CFAP58: variants seen among roughly 807,000 people sequenced by gnomAD.
CFAP58 encodes the protein cilia- and flagella-associated protein 58.
CFAP58 carries 88 observed loss-of-function variants against 119.5 expected under a neutral mutation model. That is an observed-to-expected ratio of 0.74 (90% CI 0.62 to 0.88). CFAP58 has a LOEUF of 0.88. Ranked by LOEUF, CFAP58 falls within the 40% of genes least tolerant of loss-of-function variation. The probability of loss-of-function intolerance (pLI) is 0.00; values close to 1 mark genes in which losing one functional copy is unlikely to be tolerated. For synonymous variants in CFAP58, 365 were observed against 366.3 expected, an observed-to-expected ratio of 1.00 and a Z score of 0.04; for missense variants, 990 against 1,021.2, an observed-to-expected ratio of 0.97 and a Z score of 0.42.
At chr10:104,363,332 A>G (rs1228982769) in intron 3 of CFAP58, among the ~76,000 whole-genome samples, 1 of 152,198 alleles carries the variant, frequency 6.6e-6, no homozygotes, top group Non-Finnish European at 1.5e-5. Flanking sequence ...AGGAATGAAC[A>G]TACACTTCCT....
intron 7 of CFAP58, among the ~76,000 whole-genome samples, chr10:104,374,518 C>G (rs1374427805): frequency 7.9e-6 from 1 of 126,346 alleles, no homozygotes; most frequent in African/African-American, 3.0e-5. Flanking sequence ...GAGAAATTGG[C>G]AAAGGGCAAA....
Position 104,454,898 on chromosome 10 carries a change from A to C in CFAP58, c.*368A>C, listed in dbSNP as rs534896259. 1 of 161,476 alleles carries C rather than the reference A, an allele frequency of 6.2e-6. No individual in the cohort carries two copies. Among genetic ancestry groups the C allele is most frequent in the African/African-American group, 2.4e-5 (1 of 41,956 alleles). 10.0% of individuals were successfully genotyped at this position (161,476 alleles called of 1,614,324 possible). A position where few individuals can be genotyped will look rare whatever the true frequency, so the allele number is the denominator to read the frequency against. On this transcript the variant is annotated 3_prime_UTR_variant, in exon 18 of 18. Coordinates refer to ENST00000369704, the MANE Select transcript of CFAP58 (RefSeq NM_001008723.2). ...GCAATGTGTCCCCTCTCACCTTATT[A>C]ACAATAATCTATTTTAATTATTCCT...
chr10:104,385,686 G>T, intron 9 of CFAP58, among the ~76,000 whole-genome samples: 1 of 151,890 alleles, frequency 6.6e-6, no homozygotes, highest in East Asian at 1.9e-4. Context: ...GAGAGAAGAG[G>T]GCAGAGAATA....
chr10:104,340,916 T>C, the CFAP58 span, among the ~76,000 whole-genome samples: 7 of 152,084 alleles, frequency 4.6e-5, no homozygotes, highest in Admixed American at 2.6e-4. Flanking sequence ...CCTCTCCCCA[T>C]TGGCTCAGGG....
chr10:104,447,065 T>C (rs1043130369), intron 15 of CFAP58, among the ~76,000 whole-genome samples: 8 of 152,064 alleles, frequency 5.3e-5, no homozygotes, highest in African/African-American at 1.9e-4. Flanking sequence ...GCACAGCTCA[T>C]TGCTCCCTCG....
chr10:104,398,802 A>G (rs550657779), intron 11 of CFAP58, among the ~76,000 whole-genome samples: 15 of 152,352 alleles, frequency 9.8e-5, no homozygotes, highest in African/African-American at 3.6e-4. Context: ...GTGCCATAGA[A>G]GTAGGATCTA....
chr10:104,389,285 C>T (rs1473983801), intron 9 of CFAP58, among the ~76,000 whole-genome samples: 1 of 152,128 alleles, frequency 6.6e-6, no homozygotes, highest in Non-Finnish European at 1.5e-5. Context: ...GTTCTTATTA[C>T]TCCAGCTTCA....
intron 7 of CFAP58, among the ~76,000 whole-genome samples, chr10:104,376,502 CAAA>C (rs1282859666): frequency 4.1e-5 from 2 of 48,226 alleles, no homozygotes. Context: ...AACTCCGTCT[CAAA>C]AAAAAAAAAA....
intron 14 of CFAP58, 87 bp downstream of exon 14, chr10:104,403,927 G>A (rs2012313323): frequency 2.6e-6 from 2 of 758,602 alleles, no homozygotes; most frequent in Non-Finnish European, 4.3e-6. Flanking sequence ...AATGAGAAGC[G>A]AGGTTTTATT....
intron 8 of CFAP58, among the ~76,000 whole-genome samples, chr10:104,377,471 A>T (rs1189336261): frequency 6.6e-6 from 1 of 152,208 alleles, no homozygotes; most frequent in Non-Finnish European, 1.5e-5. Flanking sequence ...CATTAAATGT[A>T]GGACCCCTCC....
chr10:104,381,176 G>GACAA (rs145857429), intron 9 of CFAP58, among the ~76,000 whole-genome samples: 1 of 151,130 alleles, frequency 6.6e-6, no homozygotes, highest in South Asian at 2.1e-4. Context: ...CAAACAAACA[G>GACAA]ACAAACAAAC....
intron 15 of CFAP58, among the ~76,000 whole-genome samples, chr10:104,444,401 T>A (rs751522571): frequency 2.0e-5 from 3 of 152,242 alleles, no homozygotes; most frequent in Non-Finnish European, 4.4e-5. Context: ...ACAATATACA[T>A]TGGACAGCTA....
chr10:104,357,836 TACACATATGTACACATATATAC>T lies in CFAP58; in HGVS notation c.10-501_10-480del, dbSNP rs1564875459. Among the ~76,000 whole-genome samples the T allele has an allele frequency of 5.4e-3, 399 of 74,174 alleles. 13 individuals are homozygous for T. The highest frequency in any genetic ancestry group is 0.02 in the African/African-American group (321 of 15,922). 48.7% of individuals were successfully genotyped at this position (74,174 alleles called of 152,430 possible). ...ATATGTACATATATACACATATATGTACACATATGTACACATATATACACATATATACACATATATGTACACA... is the reference window on the plus strand; with the variant it reads ...ATATGTACATATATACACATATATGTACATATATACACATATATGTACACA... On this transcript the variant is annotated intron_variant, in intron 1 of 17. Transcript: ENST00000369704.
At position 104,435,656 on chromosome 10, in the gene CFAP58, T is replaced by C. The variant is rs568513993; in HGVS notation, c.2257-12042T>C. Among the ~76,000 whole-genome samples, 12 of 152,326 alleles carry C rather than the reference T, an allele frequency of 7.9e-5. No homozygotes were observed. The South Asian group carries it at 2.5e-3, about 32-fold the overall frequency. ...TGTTGACTCTTCTTTCTTGGTCTTT[T>C]TTCATTTCTCCTGTTCCCTAGAATG... is the stretch of plus-strand genomic sequence containing the variant. On this transcript the variant is annotated intron_variant, in intron 15 of 17. Coordinates refer to ENST00000369704, the MANE Select transcript of CFAP58 (RefSeq NM_001008723.2).
At chr10:104,343,734 A>G in the CFAP58 span, among the ~76,000 whole-genome samples, 1 of 152,172 alleles carries the variant, frequency 6.6e-6, no homozygotes, top group Non-Finnish European at 1.5e-5. Context: ...CAAGATCCAA[A>G]GTTTGAAGAA....
chr10:104,346,794 T>A, the CFAP58 span, among the ~76,000 whole-genome samples: 1 of 151,288 alleles, frequency 6.6e-6, no homozygotes, highest in African/African-American at 2.4e-5. Flanking sequence ...CACCACCACA[T>A]CTGGCTAATT....
intron 6 of CFAP58, among the ~76,000 whole-genome samples, chr10:104,370,242 G>A (rs1391667087): frequency 9.9e-5 from 15 of 152,140 alleles, no homozygotes. Context: ...GTACAACTTA[G>A]CATTCTTATC....
intron 15 of CFAP58, among the ~76,000 whole-genome samples, chr10:104,436,739 C>A (rs540190523): frequency 2.0e-5 from 3 of 152,134 alleles, no homozygotes; most frequent in Non-Finnish European, 2.9e-5. Context: ...GGACAAATAT[C>A]GAAACTATAT....
intron 1 of CFAP58, among the ~76,000 whole-genome samples, chr10:104,358,000 C>CAT (rs1272966725): frequency 1.5e-5 from 2 of 133,226 alleles, no homozygotes; most frequent in South Asian, 2.3e-4. Flanking sequence ...TATATGTACA[C>CAT]ATATATACAC....
Sources: allele counts gnomAD v4.1 joint callset (sites outside exome capture counted in the v4.1 genomes callset), GRCh38; gene constraint gnomAD v4.1.1; transcripts MANE v1.5; gene names NCBI Gene and HGNC (gene_info 2026-07-23, HGNC 2026-07-21).